PALD1: variants seen among roughly 807,000 people sequenced by gnomAD.
PALD1 encodes paladin.
PALD1 carries 57 observed loss-of-function variants against 96.0 expected under a neutral mutation model. The observed-to-expected ratio is 0.59, with a 90% CI of 0.48 to 0.74. PALD1 has a LOEUF of 0.74. Ranked by LOEUF, PALD1 falls within the 30% of genes least tolerant of loss-of-function variation. The pLI is 0.00. For synonymous variants in PALD1, 464 were observed against 473.6 expected (o/e 0.98, Z 0.26); for missense variants, 1,063 against 1,143.7 (o/e 0.93, Z 1.02).
intron 1 of PALD1, among the ~76,000 whole-genome samples, chr10:70,511,411 T>A (rs965125822): frequency 1.3e-5 from 2 of 152,176 alleles, no homozygotes; most frequent in African/African-American, 4.8e-5. Flanking sequence ...TCATCATATC[T>A]GTGTCCAGGC....
intron 1 of PALD1, among the ~76,000 whole-genome samples, chr10:70,496,262 G>A (rs1388995748): frequency 6.6e-6 from 1 of 152,090 alleles, no homozygotes; most frequent in Non-Finnish European, 1.5e-5. Flanking sequence ...AGCTATTTCT[G>A]TTTTATTTTG....
chr10:70,533,506 G>C (rs1040575807), intron 7 of PALD1, among the ~76,000 whole-genome samples: 2 of 152,226 alleles, frequency 1.3e-5, no homozygotes, highest in Non-Finnish European at 2.9e-5. Context: ...GTGTGGTCCC[G>C]GACTAATCAC....
intron 19 of PALD1, among the ~76,000 whole-genome samples, chr10:70,565,903 G>A (rs575504767): frequency 1.3e-5 from 2 of 152,276 alleles, no homozygotes; most frequent in Admixed American, 1.3e-4. Context: ...TCCCCCACTG[G>A]GGCTGGGGGA....
intron 1 of PALD1, among the ~76,000 whole-genome samples, chr10:70,509,650 G>T (rs546480449): frequency 6.6e-6 from 1 of 152,228 alleles, no homozygotes; most frequent in African/African-American, 2.4e-5. Flanking sequence ...TGTACTGAAG[G>T]GGGTGAGGGT....
intron 10 of PALD1, among the ~76,000 whole-genome samples, chr10:70,536,328 CA>C (rs34640591): frequency 0.11 from 16,332 of 151,794 alleles, 1,441 homozygotes; most frequent in East Asian, 0.48. Context: ...GAACCCAAAC[CA>C]AAAAAAATCC....
At chr10:70,506,078 G>C (rs112344208) in intron 1 of PALD1, among the ~76,000 whole-genome samples, 2 of 152,106 alleles carry the variant, frequency 1.3e-5, no homozygotes, top group African/African-American at 2.4e-5. Context: ...ACTCTGACGA[G>C]CTCTGTGTCA....
intron 1 of PALD1, among the ~76,000 whole-genome samples, chr10:70,483,116 C>G (rs1845961628): frequency 6.6e-6 from 1 of 152,016 alleles, no homozygotes; most frequent in African/African-American, 2.4e-5. Context: ...GGGGTCTGTG[C>G]TAGTTATGGT....
chr10:70,534,663 T>C, intron 9 of PALD1, 76 bp from the exon 10 acceptor site: 1 of 1,235,496 alleles, frequency 8.1e-7, no homozygotes, highest in Non-Finnish European at 1.2e-6. Context: ...CTTTTCTCTT[T>C]TCTCCTGCCG....
chr10:70,529,766 G>A (rs940809568), intron 3 of PALD1, 123 bp from the exon 4 acceptor site: 3 of 755,312 alleles, frequency 4.0e-6, no homozygotes, highest in South Asian at 1.8e-5. Flanking sequence ...CTTGAGGGCA[G>A]GATCATGTTC....
intron 1 of PALD1, among the ~76,000 whole-genome samples, chr10:70,498,510 C>T (rs1190634438): frequency 1.3e-5 from 2 of 151,486 alleles, no homozygotes; most frequent in Non-Finnish European, 2.9e-5. Context: ...AAACTCCTGA[C>T]TTCAAGCAGT....
upstream of PALD1, among the ~76,000 whole-genome samples, chr10:70,476,852 A>T (rs1845831440): frequency 6.6e-6 from 1 of 151,828 alleles, no homozygotes; most frequent in African/African-American, 2.4e-5. Context: ...GGATCCCAGC[A>T]TCTGCTGGGC....
At chr10:70,458,649 C>T in the PALD1 span, among the ~76,000 whole-genome samples, 1 of 152,190 alleles carries the variant, frequency 6.6e-6, no homozygotes, top group Non-Finnish European at 1.5e-5. Context: ...CTGCCGGTCC[C>T]GCCGCCGGGG....
chr10:70,552,126 C>T (rs556717450), intron 18 of PALD1, among the ~76,000 whole-genome samples: 26 of 152,256 alleles, frequency 1.7e-4, no homozygotes, highest in African/African-American at 5.5e-4. Flanking sequence ...GAGTAGGGAC[C>T]GGTGATGAAA....
Position 70,564,448 on chromosome 10 carries a change from C to T in PALD1, c.2347C>T (p.Leu783Phe). 1 of 1,614,150 alleles carries T rather than the reference C, an allele frequency of 6.2e-7. No individual in the cohort carries two copies. The highest frequency in any genetic ancestry group is 8.5e-7 in the Non-Finnish European group (1 of 1,179,996). Residue 783 changes from leucine (L) to phenylalanine (F), a missense_variant, in exon 19 of 20, where the codon CTC (leucine) becomes TTC (phenylalanine). By Grantham distance (22) the Leu-to-Phe change is conservative. Coordinates refer to ENST00000263563, the MANE Select transcript of PALD1 (RefSeq NM_014431.3). ...CTTGGAGCGCTATGTCTGCCTGATTCTCTTCAACGCGTACCTCCACCTGGA... is the reference window on the plus strand; with the variant it reads ...CTTGGAGCGCTATGTCTGCCTGATTTTCTTCAACGCGTACCTCCACCTGGA... ...QYLERYVCLI[L>F]FNAYLHLEKA...
intron 17 of PALD1, 41 bp downstream of exon 17, chr10:70,541,575 G>A (rs746736810): frequency 1.4e-6 from 2 of 1,384,548 alleles, no homozygotes; most frequent in South Asian, 2.4e-5. Context: ...CCTTGGGATG[G>A]GAGGAGGAGG....
intron 1 of PALD1, among the ~76,000 whole-genome samples, chr10:70,500,599 T>C (rs185365407): frequency 6.6e-6 from 1 of 152,332 alleles, no homozygotes; most frequent in South Asian, 2.1e-4. Flanking sequence ...TGTTCCTTTT[T>C]CGGGAAGCCT....
chr10:70,520,527 C>G (rs1436864978), intron 1 of PALD1, among the ~76,000 whole-genome samples: 1 of 152,174 alleles, frequency 6.6e-6, no homozygotes, highest in Non-Finnish European at 1.5e-5. Flanking sequence ...AAAAGGCTCA[C>G]CACTCTGGCA....
intron 18 of PALD1, among the ~76,000 whole-genome samples, chr10:70,554,929 TCCTCCCCCTCCCCTC>T (rs1847566316): frequency 2.3e-4 from 1 of 4,262 alleles, no homozygotes; most frequent in Non-Finnish European, 4.5e-4. Flanking sequence ...CCCCTCCCCC[TCCTCCCCCTCCCCTC>T]CCCCTCCTCC....
chr10:70,503,679 T>C (rs1435073212), intron 1 of PALD1, among the ~76,000 whole-genome samples: 1 of 152,128 alleles, frequency 6.6e-6, no homozygotes, highest in Non-Finnish European at 1.5e-5. Context: ...ACATTGAAAA[T>C]ATTTTTATCC....
Sources: gnomAD v4.1 joint callset for allele counts (sites outside exome capture counted in the v4.1 genomes callset) on GRCh38, gnomAD v4.1.1 for gene constraint, MANE v1.5 for transcripts, NCBI Gene and HGNC (gene_info 2026-07-23, HGNC 2026-07-21) for gene names.